Variants in IRAG1 observed in about 807,000 individuals in gnomAD.
The protein encoded by IRAG1 is inositol 1,4,5-triphosphate receptor associated 1.
Under a neutral mutation model 106.2 loss-of-function variants are expected in IRAG1, and 62 were observed. That is an observed-to-expected ratio of 0.58 (90% CI 0.48 to 0.72). IRAG1 has a LOEUF of 0.72. IRAG1 is among the 30% of genes least tolerant of loss of function. The pLI, the probability that IRAG1 is intolerant of heterozygous loss-of-function variation, is 0.00. For missense variants in IRAG1, 1,064 were observed against 1,140.7 expected (o/e 0.93, Z 0.97); for synonymous variants, 462 against 443.9 (o/e 1.04, Z -0.51).
Position 10,634,048 on chromosome 11 carries a change from A to G in IRAG1, c.249T>C (p.Ser83=). Reference sequence around the variant, plus strand: ...GGACAATCGTGGGAGTTGGACTGCAAGATACTCCTGCGGCAGGAGGACCCT... The same window carrying G: ...GGACAATCGTGGGAGTTGGACTGCAGGATACTCCTGCGGCAGGAGGACCCT... ...AGQGPPAAGV[S]CSPTPTIVLT... Residue 83 remains serine (S), a synonymous_variant, in exon 3 of 21, where the codon TCT becomes TCC. Coordinates refer to ENST00000423302, the MANE Select transcript of IRAG1 (RefSeq NM_130385.4). 6.2e-7 allele frequency: 1 copy of G among 1,611,966 alleles called. No homozygotes were observed. Among genetic ancestry groups the G allele is most frequent in the East Asian group, 2.2e-5 (1 of 44,840 alleles).
chr11:10,575,532 C>T lies in IRAG1; in HGVS notation c.*800G>A, dbSNP rs1850770709. On this transcript the variant is annotated 3_prime_UTR_variant, in exon 21 of 21. Transcript: ENST00000423302. ...AGCTCATTGAACAGGTGCCTGGTGA[C>T]TGCCCCACACTGGTGAAAATCTGTG... is the stretch of plus-strand genomic sequence containing the variant. 6.6e-6 allele frequency: 1 copy of T among 152,200 alleles called. No individual in the cohort carries two copies. Among genetic ancestry groups the T allele is most frequent in the Non-Finnish European group, 1.5e-5 (1 of 68,038 alleles). 9.4% of individuals were successfully genotyped at this position (152,200 alleles called of 1,614,324 possible). A position where few individuals can be genotyped will look rare whatever the true frequency, so the allele number is the denominator to read the frequency against.
intron 2 of IRAG1, among the ~76,000 whole-genome samples, chr11:10,638,956 C>G (rs1857325665): frequency 6.6e-6 from 1 of 152,200 alleles, no homozygotes. Flanking sequence ...GAGGCTCACT[C>G]TGTCTCCCAG....
chr11:10,655,428 T>C (rs1480779373), intron 1 of IRAG1, among the ~76,000 whole-genome samples: 1 of 152,164 alleles, frequency 6.6e-6, no homozygotes, highest in African/African-American at 2.4e-5. Context: ...AGCATTCATG[T>C]GGTTTTACTG....
At chr11:10,621,070 C>G (rs903769608) in intron 10 of IRAG1, among the ~76,000 whole-genome samples, 1 of 152,124 alleles carries the variant, frequency 6.6e-6, no homozygotes, top group African/African-American at 2.4e-5. Context: ...GTTAGTTTTT[C>G]AGAATTGATG....
chr11:10,636,322 GCAC>G (rs796634201), intron 2 of IRAG1, among the ~76,000 whole-genome samples: 6 of 152,296 alleles, frequency 3.9e-5, no homozygotes, highest in African/African-American at 1.4e-4. Flanking sequence ...CTACAGGTGT[GCAC>G]CACCACGCCT....
At chr11:10,584,960 A>G (rs1257541596) in intron 18 of IRAG1, among the ~76,000 whole-genome samples, 1 of 152,188 alleles carries the variant, frequency 6.6e-6, no homozygotes. Flanking sequence ...ATGACTCATA[A>G]AAAATCCAGG....
intron 1 of IRAG1, among the ~76,000 whole-genome samples, chr11:10,683,971 G>A (rs1269460030): frequency 4.0e-5 from 6 of 151,132 alleles, no homozygotes; most frequent in African/African-American, 1.2e-4. Flanking sequence ...GTTTTATAAA[G>A]TAACGCATTA....
chr11:10,652,345 C>T lies in IRAG1; in HGVS notation c.68-163G>A, dbSNP rs1052824051. On this transcript the variant is annotated intron_variant, in intron 1 of 20. Transcript: ENST00000423302. ...AGGGCATTTGGAATTTCATTTCCTC[C>T]GGCTCTCTGGCTTTGTTTACAAAGT... 2.7e-5 allele frequency: 39 copies of T among 1,439,758 alleles called. No homozygotes were observed. The South Asian group carries it at 3.6e-4, about 13-fold the overall frequency. The allele number at this position is 1,439,758 out of a possible 1,614,324, so 89.2% of individuals were successfully genotyped here. A position where few individuals can be genotyped will look rare whatever the true frequency, so the allele number is the denominator to read the frequency against.
In IRAG1 at chr11:10,659,990, G is replaced by A. The variant is rs555197931; in HGVS notation, c.68-7808C>T. Among the ~76,000 whole-genome samples, 2 of 152,270 alleles carry A rather than the reference G, an allele frequency of 1.3e-5. No individual in the cohort carries two copies. The highest frequency in any genetic ancestry group is 2.9e-5 in the Non-Finnish European group (2 of 68,012). ...GAGATCCCATAAAGGGCAGGGCACC[G>A]AGGGGTCTCCAGGAAGACATGGAGG... On this transcript the variant is annotated intron_variant, in intron 1 of 20. Transcript: ENST00000423302. This position sits in a 1 kb window ranked among gnomAD's most constrained non-coding sequence, Gnocchi z 4.1.
At chr11:10,580,656 T>C (rs1219724826) in intron 19 of IRAG1, 67 bp from the exon 20 acceptor site, 56 of 1,564,412 alleles carry the variant, frequency 3.6e-5, no homozygotes, top group Non-Finnish European at 4.4e-5. Context: ...CCTGAGTTCC[T>C]AGGGGAGGGG....
chr11:10,580,469 C>T lies in IRAG1; in HGVS notation c.2481G>A (p.Lys827=). 13 of 1,613,146 alleles carry T rather than the reference C, an allele frequency of 8.1e-6. No individual in the cohort carries two copies. Among genetic ancestry groups the T allele is most frequent in the Non-Finnish European group, 1.1e-5 (13 of 1,179,630 alleles). The change falls in exon 20 of 21, where the codon AAG becomes AAA. Residue 827 remains lysine (K), a synonymous_variant. Transcript: ENST00000423302. ...EEVEETEEEE[K]GPRSSKLEEL... ...AGGCTTCCCACCTGCTTCTTGGGCC[C>T]TTTTCCTCTTCCTCAGTTTCTTCTA...
At chr11:10,673,191 G>A (rs1374542401) in intron 1 of IRAG1, among the ~76,000 whole-genome samples, 2 of 152,176 alleles carry the variant, frequency 1.3e-5, no homozygotes, top group African/African-American at 4.8e-5. Flanking sequence ...GCTGAGGCAT[G>A]AGAATTGCTT....
chr11:10,620,254 C>T (rs976340265), intron 10 of IRAG1, among the ~76,000 whole-genome samples: 2 of 151,870 alleles, frequency 1.3e-5, no homozygotes, highest in African/African-American at 4.8e-5. Context: ...TAGAAGACTT[C>T]TCAAAGGGAA....
At chr11:10,684,441 A>G (rs986516399) in intron 1 of IRAG1, among the ~76,000 whole-genome samples, 5 of 150,746 alleles carry the variant, frequency 3.3e-5, no homozygotes, top group African/African-American at 1.2e-4. Flanking sequence ...GGAACATCAC[A>G]CTCTGGGGAC....
intron 20 of IRAG1, among the ~76,000 whole-genome samples, chr11:10,578,852 CTGTT>C (rs1306478728): frequency 2.0e-5 from 3 of 152,202 alleles, no homozygotes; most frequent in Admixed American, 6.5e-5. Context: ...TACTCTCTCT[CTGTT>C]TATTTCTCTT....
chr11:10,588,395 G>A (rs1443541875), intron 18 of IRAG1, among the ~76,000 whole-genome samples: 1 of 152,188 alleles, frequency 6.6e-6, no homozygotes, highest in South Asian at 2.1e-4. Flanking sequence ...CAGGCTCCAG[G>A]CTGCAGTGCA....
At chr11:10,596,795 A>G (rs1853364002) in intron 15 of IRAG1, among the ~76,000 whole-genome samples, 1 of 152,240 alleles carries the variant, frequency 6.6e-6, no homozygotes. Context: ...GTTATAATCA[A>G]TCAGGATAAG....
intron 4 of IRAG1, among the ~76,000 whole-genome samples, chr11:10,630,376 T>C (rs568683386): frequency 1.3e-5 from 2 of 151,922 alleles, no homozygotes; most frequent in African/African-American, 4.8e-5. Context: ...TCTTTTTTTT[T>C]TTTTTCTTTT....
At chr11:10,680,546 G>A (rs796356115) in intron 1 of IRAG1, among the ~76,000 whole-genome samples, 1 of 140,254 alleles carries the variant, frequency 7.1e-6, no homozygotes, top group South Asian at 2.2e-4. Context: ...GAAGGGGAAG[G>A]GGAAGGGGAA....
Sources: allele counts gnomAD v4.1 joint callset (sites outside exome capture counted in the v4.1 genomes callset), GRCh38; gene constraint gnomAD v4.1.1; non-coding constraint Gnocchi (gnomAD v3.1); transcripts MANE v1.5; gene names NCBI Gene and HGNC (gene_info 2026-07-23, HGNC 2026-07-21).